Variants in ZHX3 observed in about 807,000 individuals in gnomAD.
ZHX3 encodes zinc fingers and homeoboxes protein 3.
ZHX3 carries 20 observed loss-of-function variants against 64.5 expected under a neutral mutation model. The observed-to-expected ratio is 0.31, with a 90% CI of 0.22 to 0.45. ZHX3 has a LOEUF of 0.45. ZHX3 is among the 20% of genes least tolerant of loss of function. ZHX3 has a pLI of 1.00. For missense variants in ZHX3, 1,041 were observed against 1,195.8 expected (o/e 0.87, Z 1.91); for synonymous variants, 423 against 461.6 (o/e 0.92, Z 1.07).
chr20:41,218,932 T>C (rs74273535), intron 2 of ZHX3, among the ~76,000 whole-genome samples: 1 of 144,934 alleles, frequency 6.9e-6, no homozygotes, highest in African/African-American at 2.6e-5. Flanking sequence ...TGTTTTTTTT[T>C]TTTTTTTTTT....
chr20:41,292,615 G>C (rs947043225), intron 1 of ZHX3, among the ~76,000 whole-genome samples: 1 of 152,146 alleles, frequency 6.6e-6, no homozygotes, highest in African/African-American at 2.4e-5. Context: ...GCTGCCCTTT[G>C]CATGAGTACC....
At chr20:41,253,765 C>T (rs2042101926) in intron 2 of ZHX3, among the ~76,000 whole-genome samples, 1 of 152,024 alleles carries the variant, frequency 6.6e-6, no homozygotes. Flanking sequence ...CTCTACTTAG[C>T]GATAAAACAT....
intron 1 of ZHX3, among the ~76,000 whole-genome samples, chr20:41,292,661 A>G (rs1039497756): frequency 6.6e-6 from 1 of 152,204 alleles, no homozygotes; most frequent in African/African-American, 2.4e-5. Context: ...CAGTGCATCC[A>G]TTTTATCCAA....
At chr20:41,189,177 A>G (rs2036792119) in intron 3 of ZHX3, among the ~76,000 whole-genome samples, 2 of 151,632 alleles carry the variant, frequency 1.3e-5, no homozygotes, top group South Asian at 2.1e-4. Context: ...TCTGGGTTCT[A>G]TTTTCTTTTC....
At chr20:41,269,829 G>A (rs914429214) in intron 1 of ZHX3, among the ~76,000 whole-genome samples, 2 of 151,294 alleles carry the variant, frequency 1.3e-5, no homozygotes, top group Non-Finnish European at 2.9e-5. Context: ...AGTGTATCAT[G>A]ACTAGAGCAT....
chr20:41,209,691 A>G (rs963139022), intron 2 of ZHX3, among the ~76,000 whole-genome samples: 11 of 152,212 alleles, frequency 7.2e-5, no homozygotes, highest in African/African-American at 2.4e-4. Context: ...TACAAAAATT[A>G]ATTCGAGATG....
intron 2 of ZHX3, among the ~76,000 whole-genome samples, chr20:41,227,237 T>C (rs542668854): frequency 2.0e-5 from 3 of 152,214 alleles, no homozygotes; most frequent in East Asian, 1.9e-4. Context: ...GGAAGATGCA[T>C]TGGGAGGCTT....
Position 41,283,436 on chromosome 20 carries a change from C to T in ZHX3, c.-244-14353G>A, listed in dbSNP as rs149730424. On this transcript the variant is annotated intron_variant, in intron 1 of 3. Transcript: ENST00000683867. ...ACTAAGGGCAAAAGCAAATGCATCT[C>T]CTGGGGAGACAGTCACTGAACATTA... 3.6e-3 allele frequency among the ~76,000 whole-genome samples: 545 copies of T among 152,206 alleles called. 5 individuals are homozygous for T. The highest frequency in any genetic ancestry group is 0.013 in the African/African-American group (522 of 41,548).
chr20:41,238,994 T>TC (rs2041202955), intron 2 of ZHX3, among the ~76,000 whole-genome samples: 1 of 113,290 alleles, frequency 8.8e-6, no homozygotes, highest in Non-Finnish European at 1.7e-5. Context: ...TTCTCTCTCT[T>TC]TTTTTTTTTT....
chr20:41,256,973 C>G (rs1568905718), intron 2 of ZHX3, among the ~76,000 whole-genome samples: 1 of 152,104 alleles, frequency 6.6e-6, no homozygotes, highest in Non-Finnish European at 1.5e-5. Context: ...TTACTCCACT[C>G]TATATGTCCA....
intron 2 of ZHX3, among the ~76,000 whole-genome samples, chr20:41,264,114 A>C (rs955325578): frequency 1.3e-5 from 2 of 152,118 alleles, no homozygotes; most frequent in African/African-American, 4.8e-5. Flanking sequence ...ATCTTTTAAA[A>C]ATCAAATAAC....
In ZHX3 at chr20:41,297,442, C is replaced by T. The variant is rs116015304; in HGVS notation, c.-245+20067G>A. Among the ~76,000 whole-genome samples the T allele has an allele frequency of 3.4e-3, 515 of 152,314 alleles. 3 individuals carry two copies. The highest frequency in any genetic ancestry group is 0.012 in the African/African-American group (491 of 41,578). ...CAGTGAGTCCCAGTTTTATCTCAAA[C>T]TAATAAAGGTGTCCAAATTACCAAT... On this transcript the variant is annotated intron_variant, in intron 1 of 3. Transcript: ENST00000683867.
At chr20:41,213,003 A>T (rs538673608) in intron 2 of ZHX3, among the ~76,000 whole-genome samples, 1 of 152,184 alleles carries the variant, frequency 6.6e-6, no homozygotes, top group East Asian at 1.9e-4. Context: ...AAAATATGAT[A>T]TATCCATACG....
intron 1 of ZHX3, among the ~76,000 whole-genome samples, chr20:41,280,027 G>C (rs531888958): frequency 2.6e-5 from 4 of 152,306 alleles, no homozygotes; most frequent in African/African-American, 7.2e-5. Context: ...AGGATCAGCT[G>C]TGGGGGAACC....
At chr20:41,215,963 A>AT in intron 2 of ZHX3, among the ~76,000 whole-genome samples, 1 of 151,576 alleles carries the variant, frequency 6.6e-6, no homozygotes, top group East Asian at 1.9e-4. Context: ...AAAAAAAAAA[A>AT]GGAAATAATG....
intron 3 of ZHX3, among the ~76,000 whole-genome samples, chr20:41,193,481 C>T (rs2037217093): frequency 6.6e-6 from 1 of 151,978 alleles, no homozygotes; most frequent in Non-Finnish European, 1.5e-5. Context: ...AAAAATACGA[C>T]CAATTTTTTT....
intron 1 of ZHX3, among the ~76,000 whole-genome samples, chr20:41,310,710 C>A (rs1327467569): frequency 6.7e-6 from 1 of 149,792 alleles, no homozygotes; most frequent in Non-Finnish European, 1.5e-5. Flanking sequence ...AGCTATCTTA[C>A]TTCACAAGCA....
intron 2 of ZHX3, among the ~76,000 whole-genome samples, chr20:41,248,470 G>A (rs2041823288): frequency 6.6e-6 from 1 of 152,198 alleles, no homozygotes; most frequent in Non-Finnish European, 1.5e-5. Flanking sequence ...CAAATGAAAT[G>A]CAGAGGATAC....
intron 2 of ZHX3, among the ~76,000 whole-genome samples, chr20:41,227,107 C>T (rs1356370795): frequency 2.0e-5 from 3 of 152,200 alleles, no homozygotes; most frequent in Admixed American, 1.3e-4. Context: ...TCTTATGCTG[C>T]CCAACTAATG....
Sources: gnomAD v4.1 joint callset for allele counts (sites outside exome capture counted in the v4.1 genomes callset) on GRCh38, gnomAD v4.1.1 for gene constraint, MANE v1.5 for transcripts, NCBI Gene and HGNC (gene_info 2026-07-23, HGNC 2026-07-21) for gene names.